The following GTF3C3 variants were observed in gnomAD, a reference collection of about 807,000 sequenced individuals.
GTF3C3 encodes general transcription factor IIIC subunit 3, also known as general transcription factor 3C polypeptide 3.
A neutral mutation model predicts 105.2 loss-of-function variants in GTF3C3; 75 were observed. The observed-to-expected ratio is 0.71, with a 90% CI of 0.59 to 0.86. The LOEUF is 0.86. GTF3C3 is among the 40% of genes least tolerant of loss of function. The pLI is 0.00. For synonymous variants in GTF3C3, 335 were observed against 370.4 expected (o/e 0.90, Z 1.10); for missense variants, 856 against 1,076.5 (o/e 0.80, Z 2.87).
intron 4 of GTF3C3, among the ~76,000 whole-genome samples, chr2:196,791,125 A>G (rs929489425): frequency 6.6e-6 from 1 of 152,220 alleles, no homozygotes; most frequent in Non-Finnish European, 1.5e-5. Context: ...TAGAAAAAAA[A>G]AGTAACAGTG....
At chr2:196,793,252 C>A in intron 2 of GTF3C3, 100 bp from the exon 3 acceptor site, 1 of 801,078 alleles carries the variant, frequency 1.2e-6, no homozygotes, top group Non-Finnish European at 2.0e-6. Context: ...CCAGTAACAC[C>A]AAATTTGAAA....
chr2:196,772,784 C>T (rs1429654240), intron 14 of GTF3C3, 132 bp downstream of exon 14: 1 of 575,696 alleles, frequency 1.7e-6, no homozygotes, highest in Admixed American at 3.1e-5. Flanking sequence ...TTCTTATATA[C>T]TGCCTCTGGG....
Position 196,771,913 on chromosome 2 carries a change from T to C in GTF3C3, c.2095A>G (p.Lys699Glu). 1 of 1,612,622 alleles carries C rather than the reference T, an allele frequency of 6.2e-7. No individual in the cohort carries two copies. The highest frequency in any genetic ancestry group is 8.5e-7 in the Non-Finnish European group (1 of 1,178,570). ...IRIMVMENVN[K>E]PQLWNIFNQV... ...TTGAAAATGTTCCAGAGCTGGGGTT[T>C]ATTGACATTTTCCATTACCATTATC... The change falls in exon 15 of 18, where the codon AAA becomes GAA. Residue 699 changes from lysine to glutamate, a missense_variant. Coordinates refer to ENST00000263956, the MANE Select transcript of GTF3C3 (RefSeq NM_012086.5).
chr2:196,767,188 A>G (rs1439632382), intron 16 of GTF3C3, among the ~76,000 whole-genome samples: 1 of 152,198 alleles, frequency 6.6e-6, no homozygotes, highest in Non-Finnish European at 1.5e-5. Context: ...GTTACTTCTC[A>G]GGACCTTGAT....
intron 10 of GTF3C3, chr2:196,777,697 C>T (rs1487803526): frequency 6.6e-6 from 1 of 152,104 alleles, no homozygotes; most frequent in Non-Finnish European, 1.5e-5. Context: ...TAACTGAATT[C>T]CTCTAATTAT....
chr2:196,795,657 T>C (rs922113232), intron 2 of GTF3C3, among the ~76,000 whole-genome samples: 4 of 152,148 alleles, frequency 2.6e-5, no homozygotes, highest in African/African-American at 9.7e-5. Flanking sequence ...TGAAAGGGAG[T>C]ATCTTTTATT....
In GTF3C3 at chr2:196,797,782, A is replaced by C; in HGVS notation, c.214+15T>G. On this transcript the variant is annotated intron_variant, in intron 2 of 17. Transcript: ENST00000263956. ...TCTAAACATTCATTGCAGGAAGCAC[A>C]TAATTTTAACATACCTTCATTGACA... 2.2e-6 allele frequency: 3 copies of C among 1,368,364 alleles called. No homozygotes were observed. The highest frequency in any genetic ancestry group is 3.1e-6 in the Non-Finnish European group (3 of 956,082). The allele number at this position is 1,368,364 out of a possible 1,614,324, so 84.8% of individuals were successfully genotyped here.
At chr2:196,769,254 C>T (rs1324203055) in intron 16 of GTF3C3, among the ~76,000 whole-genome samples, 2 of 152,064 alleles carry the variant, frequency 1.3e-5, no homozygotes, top group African/African-American at 4.8e-5. Flanking sequence ...CTTACTAGAC[C>T]CTGCAACTCC....
At position 196,776,564 on chromosome 2, in the gene GTF3C3, C is replaced by T. The variant is rs1699261860; in HGVS notation, c.1456G>A (p.Ala486Thr). The T allele has an allele frequency of 6.2e-7, 1 of 1,613,942 alleles. No individual in the cohort carries two copies. The highest frequency in any genetic ancestry group is 1.3e-5 in the African/African-American group (1 of 74,892). The change falls in exon 11 of 18, where the codon GCC becomes ACC. Residue 486 changes from alanine to threonine, a missense_variant. Ala to Thr is a moderately conservative substitution (Grantham distance 58). Coordinates refer to ENST00000263956, the MANE Select transcript of GTF3C3 (RefSeq NM_012086.5). This position sits in a 1 kb window ranked among gnomAD's most constrained non-coding sequence, Gnocchi z 4.5. ...ATCCTTGCATCCAAATGGAGTGGGG[C>T]CAGATCAACCACCTTGCCATAGCTT... ...AESYGKVVDLAPLHLDARISL... is the reference protein window; with the variant it reads ...AESYGKVVDLTPLHLDARISL...
At chr2:196,792,487 G>A (rs549165054) in intron 3 of GTF3C3, among the ~76,000 whole-genome samples, 19 of 152,224 alleles carry the variant, frequency 1.2e-4, no homozygotes, top group South Asian at 4.1e-4. Flanking sequence ...TAGCAAAAGC[G>A]CAGTCCATTT....
Position 196,776,351 on chromosome 2 carries a change from A to T in GTF3C3, c.1593+76T>A. On this transcript the variant is annotated intron_variant, in intron 11 of 17. Transcript: ENST00000263956. The surrounding 1 kb of genome is among the most constrained non-coding windows in gnomAD (Gnocchi z 4.5). ...ATAAAATTTTGGATATAAGCTATAG[A>T]GACATCCTTAATGGAGGAGAAAGTT... 8.2e-7 allele frequency: 1 copy of T among 1,213,346 alleles called. No homozygotes were observed. Among genetic ancestry groups the T allele is most frequent in the Non-Finnish European group, 1.2e-6 (1 of 842,346 alleles). The allele number at this position is 1,213,346 out of a possible 1,614,324, so 75.2% of individuals were successfully genotyped here.
intron 3 of GTF3C3, among the ~76,000 whole-genome samples, 173 bp from the exon 4 acceptor site, chr2:196,791,633 A>C (rs747435063): frequency 1.4e-4 from 21 of 152,228 alleles, no homozygotes; most frequent in South Asian, 1.2e-3. Flanking sequence ...TTTAACATTA[A>C]AGTTTATCGA....
intron 2 of GTF3C3, among the ~76,000 whole-genome samples, chr2:196,794,433 C>G (rs1425871666): frequency 1.3e-5 from 2 of 151,994 alleles, no homozygotes; most frequent in South Asian, 2.1e-4. Flanking sequence ...TATATGTGTT[C>G]AAAATATATA....
At chr2:196,778,115 G>A (rs1159639047) in intron 10 of GTF3C3, 1 of 152,172 alleles carries the variant, frequency 6.6e-6, no homozygotes, top group Non-Finnish European at 1.5e-5. Flanking sequence ...TAATTATAGA[G>A]TTCTGTCATC....
chr2:196,767,934 T>C lies in GTF3C3; in HGVS notation c.2386-1217A>G, dbSNP rs541457186. On this transcript the variant is annotated intron_variant, in intron 16 of 17. Coordinates refer to ENST00000263956, the MANE Select transcript of GTF3C3 (RefSeq NM_012086.5). ...GAAAGACTATTCAAATAATATTTAGTGATTTAAAAACTAGCCAATGTGGGT... is the reference window on the plus strand; with the variant it reads ...GAAAGACTATTCAAATAATATTTAGCGATTTAAAAACTAGCCAATGTGGGT... Among the ~76,000 whole-genome samples the C allele has an allele frequency of 1.3e-3, 193 of 152,342 alleles. 4 individuals are homozygous for C. Among genetic ancestry groups the C allele is most frequent in the Non-Finnish European group, 2.4e-3 (165 of 68,022 alleles).
rs903407646 is a variant in GTF3C3 at position 196,780,555 on chromosome 2, A to G, written c.1218+4T>C. 1.9e-6 allele frequency: 3 copies of G among 1,611,790 alleles called. No homozygotes were observed. Among genetic ancestry groups the G allele is most frequent in the East Asian group, 4.5e-5 (2 of 44,842 alleles). On this transcript the variant is annotated splice_donor_region_variant and intron_variant, in intron 9 of 17. Coordinates refer to ENST00000263956, the MANE Select transcript of GTF3C3 (RefSeq NM_012086.5). ...GTATCTCAAGTGCAGATCTTGTTACATACATTAAGTGGTTCAAGAATGTTG... is the reference window on the plus strand; with the variant it reads ...GTATCTCAAGTGCAGATCTTGTTACGTACATTAAGTGGTTCAAGAATGTTG...
In GTF3C3 at chr2:196,799,682, C is replaced by T; in HGVS notation, c.-71G>A. The T allele has an allele frequency of 8.9e-7, 1 of 1,123,458 alleles. No homozygotes were observed. The highest frequency in any genetic ancestry group is 1.4e-6 in the Non-Finnish European group (1 of 740,084). The allele number at this position is 1,123,458 out of a possible 1,614,324, so 69.6% of individuals were successfully genotyped here. ...CCGGAAGAGCAGCGCCTTCCAGAAG[C>T]TACCTCGCCGGGGCCAGCAAGAGCA... On this transcript the variant is annotated 5_prime_UTR_variant, in exon 1 of 18. Transcript: ENST00000263956.
chr2:196,784,780 T>G (rs895486752), intron 8 of GTF3C3, 77 bp downstream of exon 8: 97 of 1,480,450 alleles, frequency 6.6e-5, no homozygotes, highest in Admixed American at 5.9e-4. Flanking sequence ...CAGTATGAAA[T>G]AAATTTTCAC....
intron 4 of GTF3C3, 99 bp from the exon 5 acceptor site, chr2:196,790,169 C>G (rs1699523329): frequency 1.5e-6 from 1 of 658,296 alleles, no homozygotes; most frequent in African/African-American, 1.9e-5. Context: ...TTTTAAATAC[C>G]TAAACTCTTC....
Sources: gnomAD v4.1 joint callset for allele counts (sites outside exome capture counted in the v4.1 genomes callset) on GRCh38, gnomAD v4.1.1 for gene constraint, Gnocchi (gnomAD v3.1) non-coding constraint, MANE v1.5 for transcripts, NCBI Gene and HGNC (gene_info 2026-07-23, HGNC 2026-07-21) for gene names.